Variants in CFAP54 observed in about 807,000 individuals in gnomAD.
CFAP54 encodes cilia and flagella associated protein 54, also known as cilia- and flagella-associated protein 54.
In CFAP54, 290 loss-of-function variants were observed where a neutral mutation model predicts 370.4. The ratio of observed to expected loss-of-function variants is 0.78; its 90% CI spans 0.71 to 0.86. The LOEUF (loss-of-function observed/expected upper bound fraction) is 0.86. Ranked by LOEUF, CFAP54 falls within the 40% of genes least tolerant of loss-of-function variation. The pLI is 0.00. For missense variants in CFAP54, 3,399 were observed against 3,528.7 expected (o/e 0.96, Z 0.93); for synonymous variants, 1,206 against 1,236.5 (o/e 0.98, Z 0.52).
chr12:96,825,703 A>G (rs1159969472), intron 65 of CFAP54, among the ~76,000 whole-genome samples: 2 of 124,614 alleles, frequency 1.6e-5, no homozygotes, highest in South Asian at 2.3e-4. Context: ...TATATATTAT[A>G]TATTAATTAG....
chr12:96,492,491 G>A (rs1954895270), intron 1 of CFAP54, among the ~76,000 whole-genome samples: 1 of 152,182 alleles, frequency 6.6e-6, no homozygotes, highest in Non-Finnish European at 1.5e-5. Context: ...CCTCCTTAGA[G>A]TGGCCTTTCC....
intron 40 of CFAP54, among the ~76,000 whole-genome samples, chr12:96,680,396 A>G (rs1012188873): frequency 6.6e-6 from 1 of 152,150 alleles, no homozygotes. Context: ...ATCCTGAACT[A>G]TCTATACTTA....
At chr12:96,601,194 T>C (rs1018435413) in intron 26 of CFAP54, among the ~76,000 whole-genome samples, 1 of 152,266 alleles carries the variant, frequency 6.6e-6, no homozygotes, top group Admixed American at 6.5e-5. Flanking sequence ...CAAAGGCCTT[T>C]TCTGCATCTA....
At position 96,744,100 on chromosome 12, in the gene CFAP54, C is replaced by A. The variant is rs748921760; in HGVS notation, c.7638C>A (p.Ile2546=). Residue 2546 remains isoleucine, a synonymous_variant, in exon 55 of 68, where the codon ATC becomes ATA. Coordinates refer to ENST00000524981, the MANE Select transcript of CFAP54 (RefSeq NM_001306084.2). ...ATCCATTACAGCCTTTGAAAAATAT[C>A]TATCTTCCCCATGTCATGTTATTGG... ...YANPLQPLKN[I]YLPHVMLLAK... is the part of the protein sequence containing the mutation. The A allele has an allele frequency of 1.2e-6, 2 of 1,609,824 alleles. No individual in the cohort carries two copies.
In CFAP54 at chr12:96,564,459, C is replaced by T. The variant is rs1295081685; in HGVS notation, c.2411-9C>T. 4.4e-6 allele frequency: 3 copies of T among 688,736 alleles called. No homozygotes were observed. Among genetic ancestry groups the T allele is most frequent in the Middle Eastern group, 2.3e-4 (1 of 4,304 alleles). The allele number at this position is 688,736 out of a possible 1,614,324, so 42.7% of individuals were successfully genotyped here. ...ACTTAATTGTTATGACAGTCGTCTT[C>T]TTCTTCAGTTTTGCAGACTCCAACT... On this transcript the variant is annotated splice_polypyrimidine_tract_variant and intron_variant, in intron 17 of 67. Transcript: ENST00000524981.
intron 19 of CFAP54, among the ~76,000 whole-genome samples, chr12:96,565,353 C>T (rs556051072): frequency 6.6e-6 from 1 of 152,200 alleles, no homozygotes; most frequent in African/African-American, 2.4e-5. Context: ...ACCACCTCAG[C>T]CTTCCAGTGG....
chr12:96,799,395 A>T lies in CFAP54; in HGVS notation c.8850+6896A>T, dbSNP rs141737139. Among the ~76,000 whole-genome samples the T allele has an allele frequency of 7.9e-3, 1,197 of 152,186 alleles. 5 individuals are homozygous for T. Among genetic ancestry groups the T allele is most frequent in the Non-Finnish European group, 0.012 (842 of 67,998 alleles). The stretch of plus-strand genomic sequence containing the variant: ...TGCTTTTTGTGTTCTGCATTGGTCT[A>T]TTCTTGCACTTCCCAGCTCTTGAGT... On this transcript the variant is annotated intron_variant, in intron 63 of 67. Coordinates refer to ENST00000524981, the MANE Select transcript of CFAP54 (RefSeq NM_001306084.2).
At chr12:96,600,994 A>G (rs1484790356) in intron 26 of CFAP54, among the ~76,000 whole-genome samples, 10 of 152,148 alleles carry the variant, frequency 6.6e-5, no homozygotes, top group Non-Finnish European at 1.2e-4. Context: ...TTCCAATACT[A>G]TGTTGAATAG....
chr12:96,768,184 G>T lies in CFAP54; in HGVS notation c.8281+2966G>T, dbSNP rs181263270. Among the ~76,000 whole-genome samples, 60 of 152,206 alleles carry T rather than the reference G, an allele frequency of 3.9e-4. 1 individual carries two copies. In the East Asian group the frequency reaches 0.011, roughly 27 times the overall value. ...AAAAATACAAAAATTAGCCGGGTGT[G>T]CTGCTGCACACCTGTAGTCCCAACT... is the stretch of plus-strand genomic sequence containing the variant. On this transcript the variant is annotated intron_variant, in intron 60 of 67. Transcript: ENST00000524981.
chr12:96,746,681 C>A (rs1958117592), intron 55 of CFAP54, among the ~76,000 whole-genome samples: 2 of 152,318 alleles, frequency 1.3e-5, no homozygotes, highest in South Asian at 4.1e-4. Context: ...TCCAAGCTGA[C>A]CTGTGCCCCT....
At chr12:96,496,657 C>G (rs11108546) in intron 1 of CFAP54, among the ~76,000 whole-genome samples, 12,488 of 152,108 alleles carry the variant, frequency 0.082, 1,017 homozygotes, top group East Asian at 0.45. Context: ...TTTCCAAATA[C>G]AACCACACTG....
intron 9 of CFAP54, 25 bp from the exon 10 acceptor site, chr12:96,533,767 C>T (rs1182539739): frequency 2.7e-6 from 4 of 1,468,720 alleles, no homozygotes; most frequent in Non-Finnish European, 2.7e-6. Context: ...GAGTGATATT[C>T]AAAACTCTCT....
chr12:96,539,075 TTTGTTTTTG>T (rs1454059077), intron 13 of CFAP54, among the ~76,000 whole-genome samples: 3 of 136,690 alleles, frequency 2.2e-5, no homozygotes, highest in African/African-American at 5.6e-5. Flanking sequence ...TTTTTTTTTT[TTTGTTTTTG>T]TTTTTGAGAT....
intron 32 of CFAP54, among the ~76,000 whole-genome samples, chr12:96,639,820 G>T (rs940007718): frequency 3.3e-5 from 5 of 151,804 alleles, no homozygotes; most frequent in African/African-American, 9.7e-5. Flanking sequence ...CAGAACCAAC[G>T]ACAAAAACCA....
intron 65 of CFAP54, among the ~76,000 whole-genome samples, chr12:96,826,774 AAT>A (rs1397079205): frequency 8.9e-6 from 1 of 112,160 alleles, no homozygotes; most frequent in Non-Finnish European, 1.6e-5. Flanking sequence ...TATATTATAT[AAT>A]ATATAATTAT....
intron 42 of CFAP54, among the ~76,000 whole-genome samples, 155 bp from the exon 43 acceptor site, chr12:96,688,760 CT>C (rs1285153927): frequency 2.6e-5 from 4 of 151,732 alleles, no homozygotes; most frequent in African/African-American, 7.3e-5. Context: ...GATTTTTTAT[CT>C]TCTTTAATAT....
chr12:96,502,409 A>AAAG (rs1481600668), intron 2 of CFAP54, among the ~76,000 whole-genome samples: 8 of 151,270 alleles, frequency 5.3e-5, no homozygotes, highest in African/African-American at 1.9e-4. Context: ...AAAAAAAAAA[A>AAAG]AAAAAAAAAA....
intron 39 of CFAP54, 121 bp from the exon 40 acceptor site, chr12:96,679,479 G>A (rs984117259): frequency 1.6e-5 from 16 of 1,001,922 alleles, no homozygotes; most frequent in Non-Finnish European, 2.2e-5. Flanking sequence ...AGATCTGGGG[G>A]CTTTGAATTT....
Position 96,765,110 on chromosome 12 carries a change from A to G in CFAP54, c.8173A>G (p.Ile2725Val). The G allele has an allele frequency of 6.7e-7, 1 of 1,491,880 alleles. No homozygotes were observed. Among genetic ancestry groups the G allele is most frequent in the Non-Finnish European group, 9.1e-7 (1 of 1,101,070 alleles). The allele number at this position is 1,491,880 out of a possible 1,614,324, so 92.4% of individuals were successfully genotyped here. A position where few individuals can be genotyped will look rare whatever the true frequency, so the allele number is the denominator to read the frequency against. Residue 2725 changes from isoleucine (I) to valine (V), a missense_variant, in exon 60 of 68, where the codon ATT (isoleucine) becomes GTT (valine). This residue lies in a region of CFAP54 where 2,796 missense variants were observed against 2,869.7 expected (regional missense o/e 0.97). Transcript: ENST00000524981. ...SEAVLAINLL[I>V]GKKNTRMHKV... ...AGCTGTGCTGGCAATTAACTTACTTATTGGAAAGAAGAATACTAGAATGCA... is the reference window on the plus strand; with the variant it reads ...AGCTGTGCTGGCAATTAACTTACTTGTTGGAAAGAAGAATACTAGAATGCA...
Sources: allele counts gnomAD v4.1 joint callset (sites outside exome capture counted in the v4.1 genomes callset), GRCh38; gene constraint gnomAD v4.1.1; regional missense constraint gnomAD v4.1.1; transcripts MANE v1.5; gene names NCBI Gene and HGNC (gene_info 2026-07-23, HGNC 2026-07-21).